The following SLC38A9 variants were observed in gnomAD, a reference collection of about 807,000 sequenced individuals.
The protein encoded by SLC38A9 is solute carrier family 38 member 9.
Under a neutral mutation model 62.3 loss-of-function variants are expected in SLC38A9, and 48 were observed. The ratio of observed to expected loss-of-function variants is 0.77; its 90% CI spans 0.61 to 0.98. SLC38A9 has a LOEUF of 0.98. Among genes scored for constraint, SLC38A9 ranks in the 50% least tolerant of loss-of-function variants. The pLI, the probability that SLC38A9 is intolerant of heterozygous loss-of-function variation, is 0.00. For synonymous variants in SLC38A9, 204 were observed against 227.7 expected (o/e 0.90, Z 0.94); for missense variants, 541 against 679.8 (o/e 0.80, Z 2.27).
chr5:55,675,576 A>G (rs1357589128), intron 3 of SLC38A9, among the ~76,000 whole-genome samples: 1 of 152,192 alleles, frequency 6.6e-6, no homozygotes, highest in African/African-American at 2.4e-5. Context: ...TTTTTTGAAC[A>G]TAGTTTCACA....
chr5:55,664,324 GACTT>G (rs1386313772), intron 8 of SLC38A9, among the ~76,000 whole-genome samples: 2 of 151,774 alleles, frequency 1.3e-5, no homozygotes, highest in Admixed American at 1.3e-4. Flanking sequence ...ATTATTCTTT[GACTT>G]CCTAATCTTA....
chr5:55,674,022 T>C lies in SLC38A9; in HGVS notation c.114-1327A>G, dbSNP rs1751740111. Among the ~76,000 whole-genome samples the C allele has an allele frequency of 2.0e-5, 3 of 152,248 alleles. No individual in the cohort carries two copies. In the South Asian group the frequency reaches 6.2e-4, roughly 31 times the overall value. ...CTACCTCACCCAGCCGTTAATCTAA[T>C]CTTGTGGGAAGTACTTGAAAAGCCA... On this transcript the variant is annotated intron_variant, in intron 3 of 15. Transcript: ENST00000396865.
chr5:55,659,094 T>G (rs2150246339), intron 8 of SLC38A9, among the ~76,000 whole-genome samples: 1 of 152,276 alleles, frequency 6.6e-6, no homozygotes, highest in South Asian at 2.1e-4. Context: ...ATAAAAATAC[T>G]TAAGTAGACA....
At position 55,689,850 on chromosome 5, in the gene SLC38A9, C is replaced by T. The variant is rs575940619; in HGVS notation, c.113+7996G>A. Among the ~76,000 whole-genome samples the T allele has an allele frequency of 3.3e-5, 5 of 151,990 alleles. No homozygotes were observed. In the South Asian group the frequency reaches 6.2e-4, roughly 19 times the overall value. On this transcript the variant is annotated intron_variant, in intron 3 of 15. Coordinates refer to ENST00000396865, the MANE Select transcript of SLC38A9 (RefSeq NM_173514.4). ...TATGATGGGTTTATCAGGAACACCC[C>T]AAAATAAGTGGAGAAGCATCATAAT...
At chr5:55,688,462 C>T (rs1754268955) in intron 3 of SLC38A9, among the ~76,000 whole-genome samples, 1 of 145,430 alleles carries the variant, frequency 6.9e-6, no homozygotes, top group African/African-American at 2.5e-5. Context: ...TCACTGCAAG[C>T]TCTGCCTCCC....
At chr5:55,637,698 G>A (rs1437676019) in intron 12 of SLC38A9, among the ~76,000 whole-genome samples, 1 of 152,204 alleles carries the variant, frequency 6.6e-6, no homozygotes, top group African/African-American at 2.4e-5. Context: ...GCTTTATTAA[G>A]TGCTTGTAGG....
At chr5:55,698,237 G>A (rs1580419491) in intron 2 of SLC38A9, among the ~76,000 whole-genome samples, 3 of 140,228 alleles carry the variant, frequency 2.1e-5, no homozygotes, top group Non-Finnish European at 4.7e-5. Flanking sequence ...TAGGCTATTC[G>A]GACTCATTTT....
chr5:55,642,204 C>T (rs961598169), intron 12 of SLC38A9, among the ~76,000 whole-genome samples: 2 of 152,154 alleles, frequency 1.3e-5, no homozygotes, highest in African/African-American at 4.8e-5. Context: ...TGCCACCACA[C>T]CCGGCTAATT....
chr5:55,632,079 T>G (rs936200773), intron 14 of SLC38A9, among the ~76,000 whole-genome samples: 1 of 152,232 alleles, frequency 6.6e-6, no homozygotes, highest in Non-Finnish European at 1.5e-5. Context: ...ACTTGTTATA[T>G]ATCAAATAAA....
rs1242583909 is a variant in SLC38A9 at position 55,659,783 on chromosome 5, T to A, written c.698-3009A>T. On this transcript the variant is annotated intron_variant, in intron 8 of 15. Coordinates refer to ENST00000396865, the MANE Select transcript of SLC38A9 (RefSeq NM_173514.4). Reference sequence around the variant, plus strand: ...TTATTTTTTATTTATTTATTTTTTTTGAGACAGAGTCTAGCTCTGTTGCCC... The same window carrying A: ...TTATTTTTTATTTATTTATTTTTTTAGAGACAGAGTCTAGCTCTGTTGCCC... Among the ~76,000 whole-genome samples, 3 of 151,116 alleles carry A rather than the reference T, an allele frequency of 2.0e-5. No homozygotes were observed. In the East Asian group the frequency reaches 6.0e-4, roughly 30 times the overall value.
rs370704464 is a variant in SLC38A9 at position 55,630,445 on chromosome 5, G to A, written c.1431-2465C>T. ...CAATTCTCCTACCTCAGCCTCCCGAGTACCTGGGATTACAAGCGCCTGCCA... is the reference window on the plus strand; with the variant it reads ...CAATTCTCCTACCTCAGCCTCCCGAATACCTGGGATTACAAGCGCCTGCCA... On this transcript the variant is annotated intron_variant, in intron 14 of 15. Transcript: ENST00000396865. Among the ~76,000 whole-genome samples the A allele has an allele frequency of 1.2e-4, 19 of 152,072 alleles. No individual in the cohort carries two copies. In the East Asian group the frequency reaches 2.1e-3, roughly 17 times the overall value.
At chr5:55,710,123 T>C (rs1291091022) in intron 2 of SLC38A9, among the ~76,000 whole-genome samples, 2 of 146,134 alleles carry the variant, frequency 1.4e-5, no homozygotes, top group Admixed American at 1.4e-4. Flanking sequence ...GGAATCTAAG[T>C]CTAACTGTTC....
At chr5:55,694,897 T>TGTGC (rs918796006) in intron 3 of SLC38A9, among the ~76,000 whole-genome samples, 1 of 152,030 alleles carries the variant, frequency 6.6e-6, no homozygotes, top group African/African-American at 2.4e-5. Flanking sequence ...GGATTACAGG[T>TGTGC]GTGCGCCACC....
At chr5:55,671,360 T>C (rs1179612825) in intron 4 of SLC38A9, among the ~76,000 whole-genome samples, 1 of 151,952 alleles carries the variant, frequency 6.6e-6, no homozygotes, top group Non-Finnish European at 1.5e-5. Context: ...TTGATGATCA[T>C]AAACAAAATG....
chr5:55,691,215 A>AGCCAT, intron 3 of SLC38A9: 1 of 960,548 alleles, frequency 1.0e-6, no homozygotes, highest in Non-Finnish European at 1.6e-6. Context: ...AAATGCAAAT[A>AGCCAT]GCCATGGAAA....
chr5:55,655,511 A>G (rs543781721), intron 9 of SLC38A9, among the ~76,000 whole-genome samples: 31 of 152,334 alleles, frequency 2.0e-4, no homozygotes, highest in African/African-American at 4.6e-4. Flanking sequence ...ATAATAATTC[A>G]AAGGTATATG....
intron 14 of SLC38A9, among the ~76,000 whole-genome samples, chr5:55,632,686 C>A (rs1743698920): frequency 6.6e-6 from 1 of 152,116 alleles, no homozygotes; most frequent in African/African-American, 2.4e-5. Flanking sequence ...AAATATCACT[C>A]CAATTTCCCA....
chr5:55,636,222 A>C (rs1481748589), intron 12 of SLC38A9, among the ~76,000 whole-genome samples: 1 of 152,240 alleles, frequency 6.6e-6, no homozygotes, highest in Non-Finnish European at 1.5e-5. Flanking sequence ...CTAAACAGTA[A>C]ACAAAAGGAA....
chr5:55,694,007 C>T (rs66827339), intron 3 of SLC38A9: 6,040 of 154,636 alleles, frequency 0.039, 162 homozygotes, highest in African/African-American at 0.083. Flanking sequence ...TCAAGACCAG[C>T]CCCAGTAACA....
Sources: gnomAD v4.1 joint callset for allele counts (sites outside exome capture counted in the v4.1 genomes callset) on GRCh38, gnomAD v4.1.1 for gene constraint, MANE v1.5 for transcripts, NCBI Gene and HGNC (gene_info 2026-07-23, HGNC 2026-07-21) for gene names.